The following CSMD3 variants were observed in gnomAD, a reference collection of about 807,000 sequenced individuals.
CSMD3 encodes the protein CUB and sushi domain-containing protein 3.
CSMD3 carries 177 observed loss-of-function variants against 435.2 expected under a neutral mutation model. The ratio of observed to expected loss-of-function variants is 0.41; its 90% CI spans 0.36 to 0.46. The LOEUF (loss-of-function observed/expected upper bound fraction) is 0.46, where lower values mean the gene tolerates loss of function less well. Ranked by LOEUF, CSMD3 falls within the 20% of genes least tolerant of loss-of-function variation. CSMD3 has a pLI of 0.34. For missense variants in CSMD3, 4,265 were observed against 4,504.6 expected, an observed-to-expected ratio of 0.95 and a Z score of 1.52; for synonymous variants, 1,656 against 1,520.5, an observed-to-expected ratio of 1.09 and a Z score of -2.07.
chr8:113,179,902 C>T (rs1454920926), intron 3 of CSMD3, among the ~76,000 whole-genome samples: 1 of 151,598 alleles, frequency 6.6e-6, no homozygotes, highest in African/African-American at 2.4e-5. Flanking sequence ...GTTGGGAGCA[C>T]ATGTATAGTT....
chr8:112,824,211 G>A (rs184324425), intron 12 of CSMD3, among the ~76,000 whole-genome samples: 87 of 151,970 alleles, frequency 5.7e-4, no homozygotes, highest in African/African-American at 2.0e-3. Flanking sequence ...CACATAAGAT[G>A]GGTCTCCTGA....
chr8:112,467,021 T>A (rs1316973604), intron 32 of CSMD3, among the ~76,000 whole-genome samples: 1 of 152,156 alleles, frequency 6.6e-6, no homozygotes, highest in Non-Finnish European at 1.5e-5. Flanking sequence ...ACAAAATACA[T>A]TAAAGTAGAA....
At chr8:112,853,526 G>A (rs561206205) in intron 11 of CSMD3, among the ~76,000 whole-genome samples, 14 of 151,988 alleles carry the variant, frequency 9.2e-5, no homozygotes, top group African/African-American at 3.1e-4. Context: ...ACACCTGGCC[G>A]TTCATCCACT....
At chr8:112,601,175 T>C (rs1479092253) in intron 22 of CSMD3, among the ~76,000 whole-genome samples, 1 of 152,134 alleles carries the variant, frequency 6.6e-6, no homozygotes, top group Admixed American at 6.6e-5. Flanking sequence ...ATCTAATAGA[T>C]TAATTTCTCT....
intron 5 of CSMD3, among the ~76,000 whole-genome samples, chr8:113,076,411 G>C (rs193215734): frequency 6.6e-6 from 1 of 151,816 alleles, no homozygotes; most frequent in Non-Finnish European, 1.5e-5. Flanking sequence ...TAAAGAAAGA[G>C]GGTAATGCCA....
chr8:112,861,028 C>A (rs1477824035), intron 10 of CSMD3, among the ~76,000 whole-genome samples: 1 of 151,874 alleles, frequency 6.6e-6, no homozygotes, highest in African/African-American at 2.4e-5. Flanking sequence ...TTTGAGGAAG[C>A]ACTTTCAATT....
chr8:113,116,838 G>A (rs1187207569), intron 4 of CSMD3, among the ~76,000 whole-genome samples: 1 of 152,124 alleles, frequency 6.6e-6, no homozygotes, highest in Non-Finnish European at 1.5e-5. Context: ...GTTGGGAACT[G>A]GAGTAAAGGT....
chr8:112,900,738 G>C (rs1564083029), intron 10 of CSMD3, among the ~76,000 whole-genome samples: 1 of 151,252 alleles, frequency 6.6e-6, no homozygotes, highest in East Asian at 2.0e-4. Context: ...AAAAGAAGAA[G>C]AATGAGGGTC....
rs886970641 is a variant in CSMD3 at position 113,426,688 on chromosome 8, A to T, written c.178+9989T>A. ...TGATTATCTACCTCTCCCTAAGATC[A>T]TGAAAATGAAATGTCAAGTGAATTT... On this transcript the variant is annotated intron_variant, in intron 1 of 70. Coordinates refer to ENST00000297405, the MANE Select transcript of CSMD3 (RefSeq NM_198123.2). Among the ~76,000 whole-genome samples the T allele has an allele frequency of 2.6e-5, 4 of 151,462 alleles. No homozygotes were observed. In the East Asian group the frequency reaches 7.7e-4, roughly 29 times the overall value.
intron 13 of CSMD3, among the ~76,000 whole-genome samples, chr8:112,789,981 T>G (rs542749659): frequency 1.3e-3 from 198 of 152,114 alleles, no homozygotes; most frequent in Non-Finnish European, 1.9e-3. Context: ...ATACACATTT[T>G]TATTATTAAA....
chr8:112,889,166 C>G (rs1050893402), intron 10 of CSMD3, among the ~76,000 whole-genome samples: 1 of 151,644 alleles, frequency 6.6e-6, no homozygotes, highest in South Asian at 2.1e-4. Flanking sequence ...ACGTTTTTCA[C>G]ATTTCCTTCT....
intron 1 of CSMD3, among the ~76,000 whole-genome samples, chr8:113,402,933 T>C (rs114186661): frequency 0.018 from 2,777 of 151,296 alleles, 100 homozygotes; most frequent in African/African-American, 0.061. Context: ...ATGTTTTGGT[T>C]CTGAACATTA....
At chr8:112,350,861 G>A (rs1330211827) in intron 40 of CSMD3, among the ~76,000 whole-genome samples, 1 of 151,738 alleles carries the variant, frequency 6.6e-6, no homozygotes, top group Non-Finnish European at 1.5e-5. Context: ...TTATTTTTCT[G>A]TTCAATAGAT....
At chr8:113,214,287 C>A (rs2092874997) in intron 3 of CSMD3, among the ~76,000 whole-genome samples, 1 of 151,642 alleles carries the variant, frequency 6.6e-6, no homozygotes. Flanking sequence ...GAAGCTTTTA[C>A]CTGTCTTCCA....
At chr8:113,235,501 C>T (rs1390279594) in intron 3 of CSMD3, among the ~76,000 whole-genome samples, 1 of 151,638 alleles carries the variant, frequency 6.6e-6, no homozygotes, top group Non-Finnish European at 1.5e-5. Context: ...CTGTATGGGC[C>T]ACAGTAGGAA....
intron 35 of CSMD3, among the ~76,000 whole-genome samples, chr8:112,402,154 T>A (rs1831399196): frequency 1.3e-5 from 2 of 152,206 alleles, no homozygotes; most frequent in Admixed American, 6.5e-5. Flanking sequence ...GTTTTCTTAT[T>A]TTCTTGTTTT....
At chr8:112,529,376 T>C (rs1361671368) in intron 27 of CSMD3, among the ~76,000 whole-genome samples, 1 of 152,042 alleles carries the variant, frequency 6.6e-6, no homozygotes, top group Non-Finnish European at 1.5e-5. Flanking sequence ...AAGGCCGAGT[T>C]CAGGAGTTTG....
chr8:112,236,927 T>C (rs934343565), intron 67 of CSMD3, among the ~76,000 whole-genome samples: 3 of 152,154 alleles, frequency 2.0e-5, no homozygotes, highest in South Asian at 2.1e-4. Flanking sequence ...TTAAATGTTA[T>C]GATCTAATAT....
At chr8:113,004,836 A>T (rs751727228) in intron 6 of CSMD3, among the ~76,000 whole-genome samples, 6 of 151,650 alleles carry the variant, frequency 4.0e-5, no homozygotes, top group Non-Finnish European at 8.8e-5. Context: ...AATTTTATTA[A>T]GAATTTATGT....
Sources: allele counts gnomAD v4.1 joint callset (sites outside exome capture counted in the v4.1 genomes callset), GRCh38; gene constraint gnomAD v4.1.1; transcripts MANE v1.5; gene names NCBI Gene and HGNC (gene_info 2026-07-23, HGNC 2026-07-21).